EEF1AKMT1: variants seen among roughly 807,000 people sequenced by gnomAD.
EEF1AKMT1 encodes the protein N-6 adenine-specific DNA methyltransferase 2 (putative).
EEF1AKMT1 carries 18 observed loss-of-function variants against 21.0 expected under a neutral mutation model. That is an observed-to-expected ratio of 0.86 (90% confidence interval 0.59 to 1.27). The LOEUF is 1.27. EEF1AKMT1 is among the 50% of genes most tolerant of loss of function. The probability of loss-of-function intolerance (pLI) is 0.00; values close to 1 mark genes in which losing one functional copy is unlikely to be tolerated. For synonymous variants in EEF1AKMT1, 109 were observed against 94.8 expected (o/e 1.15, Z -0.87); for missense variants, 246 against 258.6 (o/e 0.95, Z 0.33).
chr13:20,750,696 A>C lies in EEF1AKMT1; in HGVS notation c.144+6759T>G, dbSNP rs112274761. ...ATACTAATTTCTTTTCCTTTGAATA[A>C]ATGTTCAGTAGTGAGACTGCTAGGT... On this transcript the variant is annotated intron_variant, in intron 2 of 4. Transcript: ENST00000382758. 3.3e-3 allele frequency among the ~76,000 whole-genome samples: 498 copies of C among 152,264 alleles called. 5 individuals carry two copies. Among genetic ancestry groups the C allele is most frequent in the African/African-American group, 0.011 (470 of 41,542 alleles).
chr13:20,731,050 A>G (rs1448442660), intron 4 of EEF1AKMT1, among the ~76,000 whole-genome samples: 5 of 152,216 alleles, frequency 3.3e-5, no homozygotes, highest in African/African-American at 1.2e-4. Flanking sequence ...AAGAGCTGTA[A>G]CACCACGAGG....
intron 2 of EEF1AKMT1, among the ~76,000 whole-genome samples, chr13:20,756,590 G>A (rs1012353340): frequency 6.6e-6 from 1 of 152,168 alleles, no homozygotes; most frequent in African/African-American, 2.4e-5. Context: ...TATTGACAGA[G>A]GCAGACAAAT....
chr13:20,768,312 G>C (rs1272653173), intron 1 of EEF1AKMT1, among the ~76,000 whole-genome samples: 1 of 152,176 alleles, frequency 6.6e-6, no homozygotes, highest in East Asian at 1.9e-4. Context: ...TGTTAGATAA[G>C]AGCAGAGCAG....
rs59909151 is a variant in EEF1AKMT1 at position 20,731,409 on chromosome 13, G to A, written c.508+432C>T. ...TAGCCCAATGGTTTGAGGTTACAGA[G>A]AGAAAAAAAGTATAACGATCTCGCC... On this transcript the variant is annotated intron_variant, in intron 4 of 4. Transcript: ENST00000382758. Among the ~76,000 whole-genome samples the A allele has an allele frequency of 8.2e-3, 1,254 of 152,198 alleles. 20 individuals carry two copies. The highest frequency in any genetic ancestry group is 0.028 in the African/African-American group (1,159 of 41,524).
chr13:20,746,663 A>G (rs950851676), intron 2 of EEF1AKMT1, among the ~76,000 whole-genome samples: 1 of 151,760 alleles, frequency 6.6e-6, no homozygotes. Context: ...CCTCACTCCA[A>G]CACCATCAGG....
At chr13:20,765,115 G>C (rs2059021311) in intron 1 of EEF1AKMT1, among the ~76,000 whole-genome samples, 2 of 151,842 alleles carry the variant, frequency 1.3e-5, no homozygotes, top group African/African-American at 4.8e-5. Context: ...CAAAAAACTA[G>C]CCGGGCATGG....
At position 20,758,372 on chromosome 13, in the gene EEF1AKMT1, C is replaced by T. The variant is rs578248152; in HGVS notation, c.-19-755G>A. Among the ~76,000 whole-genome samples the T allele has an allele frequency of 7.9e-5, 12 of 152,366 alleles. No homozygotes were observed. In the South Asian group the frequency reaches 2.3e-3, roughly 29 times the overall value. On this transcript the variant is annotated intron_variant, in intron 1 of 4. Coordinates refer to ENST00000382758, the MANE Select transcript of EEF1AKMT1 (RefSeq NM_001318939.2). ...CTACCTATGACCAGGAAGCCCTCCA[C>T]TTCCAGTTGTCCTGCCTTTCTGGAC...
At chr13:20,744,870 A>G (rs2058893974) in intron 2 of EEF1AKMT1, among the ~76,000 whole-genome samples, 1 of 152,176 alleles carries the variant, frequency 6.6e-6, no homozygotes, top group African/African-American at 2.4e-5. Flanking sequence ...TATAAGGTGT[A>G]AGGAAGGGGC....
intron 2 of EEF1AKMT1, among the ~76,000 whole-genome samples, chr13:20,740,286 G>GC (rs750578302): frequency 3.9e-5 from 6 of 152,368 alleles, no homozygotes; most frequent in Non-Finnish European, 7.3e-5. Context: ...GCCACGCACA[G>GC]CCCCAGTTTC....
At chr13:20,750,631 T>C (rs997610554) in intron 2 of EEF1AKMT1, among the ~76,000 whole-genome samples, 3 of 152,224 alleles carry the variant, frequency 2.0e-5, no homozygotes, top group African/African-American at 7.2e-5. Context: ...TTATTGTGAA[T>C]AGTGCTGCAA....
intron 1 of EEF1AKMT1, among the ~76,000 whole-genome samples, chr13:20,772,758 C>T (rs1170146792): frequency 6.6e-6 from 1 of 152,162 alleles, no homozygotes; most frequent in African/African-American, 2.4e-5. Context: ...TAGCTTGCAG[C>T]ATAAGCAGGG....
intron 1 of EEF1AKMT1, among the ~76,000 whole-genome samples, chr13:20,766,429 A>G (rs924702978): frequency 2.0e-5 from 3 of 152,196 alleles, no homozygotes; most frequent in Non-Finnish European, 4.4e-5. Flanking sequence ...CAGTATAAAT[A>G]TATTCACTAC....
chr13:20,744,970 G>C (rs746489268), intron 2 of EEF1AKMT1, among the ~76,000 whole-genome samples: 4 of 152,128 alleles, frequency 2.6e-5, no homozygotes, highest in African/African-American at 4.8e-5. Context: ...GTTTTTGTCA[G>C]GTTTGTCAAA....
At chr13:20,735,591 G>A (rs750075539) in intron 3 of EEF1AKMT1, among the ~76,000 whole-genome samples, 1 of 152,092 alleles carries the variant, frequency 6.6e-6, no homozygotes, top group Non-Finnish European at 1.5e-5. Flanking sequence ...TCTTAGACAC[G>A]GGGGTTCCCT....
chr13:20,747,990 T>C, intron 2 of EEF1AKMT1: 1 of 248,682 alleles, frequency 4.0e-6, no homozygotes, highest in Non-Finnish European at 8.0e-6. Flanking sequence ...AAATCTAGTT[T>C]TTCCAGTACC....
chr13:20,759,680 T>C (rs1376089096), intron 1 of EEF1AKMT1, among the ~76,000 whole-genome samples: 1 of 149,068 alleles, frequency 6.7e-6, no homozygotes, highest in Non-Finnish European at 1.5e-5. Context: ...GCAAAGTACA[T>C]GATTAATAGA....
chr13:20,764,913 A>ACC, intron 1 of EEF1AKMT1, among the ~76,000 whole-genome samples: 1 of 144,772 alleles, frequency 6.9e-6, no homozygotes, highest in Non-Finnish European at 1.5e-5. Context: ...ACACACACAC[A>ACC]CACACCCTAA....
chr13:20,745,388 G>A (rs1220641412), intron 2 of EEF1AKMT1, among the ~76,000 whole-genome samples: 1 of 152,050 alleles, frequency 6.6e-6, no homozygotes, highest in Non-Finnish European at 1.5e-5. Flanking sequence ...TCCTTGAAGA[G>A]GGTCCTTCAC....
chr13:20,754,813 C>G (rs2058963456), intron 2 of EEF1AKMT1, among the ~76,000 whole-genome samples: 1 of 151,230 alleles, frequency 6.6e-6, no homozygotes. Context: ...TCGCTTGAAC[C>G]AGGGAGGCAG....
Sources: gnomAD v4.1 joint callset for allele counts (sites outside exome capture counted in the v4.1 genomes callset) on GRCh38, gnomAD v4.1.1 for gene constraint, MANE v1.5 for transcripts, NCBI Gene and HGNC (gene_info 2026-07-23, HGNC 2026-07-21) for gene names.